The following CADM2 variants were observed in gnomAD, a reference collection of about 807,000 sequenced individuals.
The protein encoded by CADM2 is immunoglobulin superfamily member 4D.
CADM2 carries 12 observed loss-of-function variants against 49.8 expected under a neutral mutation model. The observed-to-expected ratio is 0.24, with a 90% CI of 0.15 to 0.39. The LOEUF (loss-of-function observed/expected upper bound fraction) is 0.39, where lower values mean the gene tolerates loss of function less well. Among genes scored for constraint, CADM2 ranks in the 10% least tolerant of loss-of-function variants. CADM2 has a pLI of 1.00. For synonymous variants in CADM2, 214 were observed against 175.4 expected (o/e 1.22, Z -1.74); for missense variants, 378 against 492.3 (o/e 0.77, Z 2.20).
rs6147940 is a variant in CADM2 at position 85,855,602 on chromosome 3, CATATATATATATATAAAACATATAT to C, written c.239-27674_239-27650del. ...ATAAAAAACATATATATATATAAAA[CATATATATATATATAAAACATATAT>C]ATATATATATATATTTTGAGACGGA... On this transcript the variant is annotated intron_variant, in intron 3 of 9. Transcript: ENST00000383699. 1.1e-3 allele frequency among the ~76,000 whole-genome samples: 143 copies of C among 129,378 alleles called. 3 individuals carry two copies. The South Asian group carries it at 0.029, about 26-fold the overall frequency. The allele number at this position is 129,378 out of a possible 152,430, so 84.9% of individuals were successfully genotyped here. A position where few individuals can be genotyped will look rare whatever the true frequency, so the allele number is the denominator to read the frequency against.
chr3:85,384,818 C>T (rs1188584193), intron 1 of CADM2, among the ~76,000 whole-genome samples: 3 of 151,586 alleles, frequency 2.0e-5, no homozygotes, highest in African/African-American at 7.3e-5. Context: ...TTTCAAATTA[C>T]TGGAATTTAT....
chr3:86,007,036 T>C (rs988266062), intron 8 of CADM2, among the ~76,000 whole-genome samples: 9 of 151,984 alleles, frequency 5.9e-5, no homozygotes, highest in African/African-American at 1.9e-4. Context: ...TGAGACTCCA[T>C]CTCAAAAAAT....
At chr3:85,605,967 A>G (rs912029719) in intron 1 of CADM2, among the ~76,000 whole-genome samples, 5 of 152,108 alleles carry the variant, frequency 3.3e-5, no homozygotes, top group Admixed American at 6.6e-5. Context: ...TGAATAAGAA[A>G]GTTCATGAAG....
chr3:85,910,542 A>G (rs1717441362), intron 5 of CADM2, among the ~76,000 whole-genome samples: 1 of 152,110 alleles, frequency 6.6e-6, no homozygotes, highest in African/African-American at 2.4e-5. Context: ...AAATCTTAGT[A>G]AATGACTTTA....
intron 2 of CADM2, among the ~76,000 whole-genome samples, chr3:85,797,091 TAA>T (rs534621926): frequency 1.6e-5 from 2 of 127,244 alleles, no homozygotes; most frequent in African/African-American, 2.9e-5. Flanking sequence ...AGAATCCATT[TAA>T]AAAAAAAAAA....
chr3:85,180,514 G>GAAAAAAAAAAAAAAAAAAA (rs58932967), intron 1 of CADM2, among the ~76,000 whole-genome samples: 1 of 77,308 alleles, frequency 1.3e-5, no homozygotes, highest in Non-Finnish European at 2.8e-5. Context: ...GTCTCAAAAA[G>GAAAAAAAAAAAAAAAAAAA]AAAAAAAAAA....
intron 1 of CADM2, among the ~76,000 whole-genome samples, chr3:85,688,967 C>T (rs951349002): frequency 1.3e-5 from 2 of 152,118 alleles, no homozygotes; most frequent in African/African-American, 2.4e-5. Context: ...CAAATGTTCA[C>T]GACAAGACTT....
chr3:86,036,848 T>C (rs1735231881), intron 8 of CADM2, among the ~76,000 whole-genome samples: 1 of 152,180 alleles, frequency 6.6e-6, no homozygotes, highest in Admixed American at 6.5e-5. Context: ...TGTTTGTTAT[T>C]TTTAGCATTC....
chr3:85,990,551 G>T (rs1577881577), intron 8 of CADM2, among the ~76,000 whole-genome samples: 1 of 152,146 alleles, frequency 6.6e-6, no homozygotes, highest in Admixed American at 6.6e-5. Context: ...TATGGAACTT[G>T]ATAAGGCTGC....
In CADM2 at chr3:85,838,918, A is replaced by C. The variant is rs139991526; in HGVS notation, c.238+36722A>C. The stretch of plus-strand genomic sequence containing the variant: ...CTCAAAATGTAATTGAAAGCCTCTT[A>C]CTGCAAATTCACTTAGGGGTGCTTG... On this transcript the variant is annotated intron_variant, in intron 3 of 9. Transcript: ENST00000383699. Among the ~76,000 whole-genome samples, 176 of 151,968 alleles carry C rather than the reference A, an allele frequency of 1.2e-3. 2 individuals carry two copies. In the East Asian group the frequency reaches 0.028, roughly 25 times the overall value.
intron 1 of CADM2, among the ~76,000 whole-genome samples, chr3:85,112,043 G>A (rs1575893846): frequency 6.6e-6 from 1 of 151,810 alleles, no homozygotes; most frequent in South Asian, 2.1e-4. Flanking sequence ...TAATTTCTAA[G>A]TTTTTAACAA....
intron 1 of CADM2, among the ~76,000 whole-genome samples, chr3:85,260,424 A>G (rs2042990265): frequency 6.6e-6 from 1 of 152,164 alleles, no homozygotes; most frequent in Non-Finnish European, 1.5e-5. Flanking sequence ...CTCTGTGTTT[A>G]GGATATTTAT....
chr3:85,161,474 C>A (rs2040322242), intron 1 of CADM2, among the ~76,000 whole-genome samples: 1 of 152,006 alleles, frequency 6.6e-6, no homozygotes. Flanking sequence ...GTTATTCCTC[C>A]AAGTTCAGGG....
chr3:85,573,224 C>CA (rs1559919287), intron 1 of CADM2, among the ~76,000 whole-genome samples: 11 of 33,180 alleles, frequency 3.3e-4, no homozygotes, highest in Non-Finnish European at 7.2e-4. Flanking sequence ...GGCAAGGTCT[C>CA]GCCTGTTGCC....
intron 2 of CADM2, among the ~76,000 whole-genome samples, chr3:85,764,602 G>C (rs910503698): frequency 2.0e-5 from 3 of 151,930 alleles, no homozygotes; most frequent in Non-Finnish European, 4.4e-5. Context: ...ACTTAACAAG[G>C]AATATTTTCT....
intron 1 of CADM2, among the ~76,000 whole-genome samples, chr3:85,158,074 A>G (rs1256865525): frequency 6.6e-6 from 1 of 152,264 alleles, no homozygotes; most frequent in East Asian, 1.9e-4. Context: ...TATGCAGCCA[A>G]AAAACACATG....
chr3:85,986,174 T>A (rs1728086717), intron 8 of CADM2, among the ~76,000 whole-genome samples: 1 of 152,110 alleles, frequency 6.6e-6, no homozygotes. Flanking sequence ...TAATTTTTAT[T>A]TGGTTTCATT....
chr3:85,357,249 G>GA (rs1206697046), intron 1 of CADM2, among the ~76,000 whole-genome samples: 2 of 151,952 alleles, frequency 1.3e-5, no homozygotes, highest in African/African-American at 4.8e-5. Flanking sequence ...AGCAAGCTTA[G>GA]AAAAAATACA....
At chr3:85,507,023 A>G (rs1176204842) in intron 1 of CADM2, among the ~76,000 whole-genome samples, 1 of 152,206 alleles carries the variant, frequency 6.6e-6, no homozygotes, top group Non-Finnish European at 1.5e-5. Flanking sequence ...TAATTATGAT[A>G]GTAAAATAAA....
Sources: allele counts gnomAD v4.1 joint callset (sites outside exome capture counted in the v4.1 genomes callset), GRCh38; gene constraint gnomAD v4.1.1; transcripts MANE v1.5; gene names NCBI Gene and HGNC (gene_info 2026-07-23, HGNC 2026-07-21).